Variants in NELL2 observed in about 807,000 individuals in gnomAD.
The protein encoded by NELL2 is neural EGFL like 2.
In NELL2, 41 loss-of-function variants were observed where a neutral mutation model predicts 109.6. That is an observed-to-expected ratio of 0.37 (90% CI 0.29 to 0.49). The LOEUF is 0.49. Ranked by LOEUF, NELL2 falls within the 20% of genes least tolerant of loss-of-function variation. NELL2 has a pLI of 0.98. For synonymous variants in NELL2, 355 were observed against 344.7 expected (o/e 1.03, Z -0.33); for missense variants, 900 against 1,008.3 (o/e 0.89, Z 1.45).
At chr12:44,710,898 G>A (rs1566213092) in intron 11 of NELL2, among the ~76,000 whole-genome samples, 1 of 152,058 alleles carries the variant, frequency 6.6e-6, no homozygotes, top group Non-Finnish European at 1.5e-5. Flanking sequence ...GTTATAAAAA[G>A]AAGCTGAGGA....
At chr12:44,729,326 C>A (rs1209970961) in intron 9 of NELL2, among the ~76,000 whole-genome samples, 1 of 151,400 alleles carries the variant, frequency 6.6e-6, no homozygotes, top group Non-Finnish European at 1.5e-5. Context: ...ATGGTAACAA[C>A]AACAAAAATT....
At chr12:44,846,239 C>T (rs1386685048) in intron 2 of NELL2, among the ~76,000 whole-genome samples, 1 of 152,160 alleles carries the variant, frequency 6.6e-6, no homozygotes, top group African/African-American at 2.4e-5. Context: ...ATTATTGACG[C>T]CCAAAGACCA....
intron 13 of NELL2, among the ~76,000 whole-genome samples, chr12:44,624,050 A>G (rs1269031344): frequency 1.3e-5 from 2 of 152,052 alleles, no homozygotes; most frequent in African/African-American, 4.8e-5. Context: ...TGGGTTGATG[A>G]GTGCAGCAAA....
chr12:44,606,063 A>G (rs1430558371), intron 15 of NELL2, among the ~76,000 whole-genome samples: 11 of 152,186 alleles, frequency 7.2e-5, no homozygotes, highest in African/African-American at 2.4e-4. Context: ...CCTACATACC[A>G]AAGATAGACA....
chr12:44,742,127 T>A (rs1180552410), intron 9 of NELL2, among the ~76,000 whole-genome samples: 1 of 151,570 alleles, frequency 6.6e-6, no homozygotes, highest in African/African-American at 2.4e-5. Context: ...AGAGGAACGA[T>A]CAGGCAGCAG....
At chr12:44,581,311 T>A (rs184655949) in intron 15 of NELL2, among the ~76,000 whole-genome samples, 21 of 152,146 alleles carry the variant, frequency 1.4e-4, no homozygotes, top group South Asian at 8.3e-4. Flanking sequence ...AAGATTTTTT[T>A]AAAATCTTTT....
chr12:44,773,478 G>GA (rs758962096), intron 9 of NELL2, among the ~76,000 whole-genome samples: 44 of 144,828 alleles, frequency 3.0e-4, no homozygotes, highest in South Asian at 4.4e-4. Context: ...TCCGTCTCAA[G>GA]AAAAAAAAAA....
At chr12:44,877,999 T>C (rs1003468422), upstream of NELL2, among the ~76,000 whole-genome samples, 3 of 152,232 alleles carry the variant, frequency 2.0e-5, no homozygotes, top group African/African-American at 7.2e-5. Context: ...CTACAGAAGC[T>C]ACACGAAATA....
chr12:44,848,105 G>C (rs780300207), intron 2 of NELL2, among the ~76,000 whole-genome samples: 5 of 151,940 alleles, frequency 3.3e-5, no homozygotes, highest in Non-Finnish European at 7.4e-5. Context: ...TGGCTGTGGG[G>C]GCTGCAGTGT....
At position 44,886,141 on chromosome 12, in the gene NELL2, AAGG is replaced by A. The variant is rs1181199102; in HGVS notation, c.39-10244_39-10242del. On this transcript the variant is annotated intron_variant, in intron 1 of 20. Coordinates refer to the NELL2 transcript ENST00000333837. Reference sequence around the variant, plus strand: ...GAAGGAAGGAAGGAAGGAAGGAAGGAAGGAAGAAAGGGAGAGAATCCTCATCTT... The same window carrying A: ...GAAGGAAGGAAGGAAGGAAGGAAGGAAAGAAAGGGAGAGAATCCTCATCTT... Among the ~76,000 whole-genome samples, 265 of 140,148 alleles carry A rather than the reference AAGG, an allele frequency of 1.9e-3. 4 individuals are homozygous for A. The highest frequency in any genetic ancestry group is 6.8e-3 in the African/African-American group (251 of 36,786). The allele number at this position is 140,148 out of a possible 152,430, so 91.9% of individuals were successfully genotyped here.
chr12:44,752,841 C>T (rs929553723), intron 9 of NELL2, among the ~76,000 whole-genome samples: 2 of 152,166 alleles, frequency 1.3e-5, no homozygotes, highest in Non-Finnish European at 2.9e-5. Context: ...AAGTCATGTA[C>T]TGCCACGGTG....
chr12:44,881,363 A>G (rs752872931), intron 1 of NELL2, among the ~76,000 whole-genome samples: 26 of 152,022 alleles, frequency 1.7e-4, no homozygotes, highest in Non-Finnish European at 3.4e-4. Flanking sequence ...ATGCTCTAAC[A>G]AATAAACACA....
In NELL2 at chr12:44,665,604, C is replaced by A. The variant is rs150491663; in HGVS notation, c.1324G>T (p.Asp442Tyr). 1.2e-4 allele frequency: 190 copies of A among 1,611,596 alleles called. No individual in the cohort carries two copies. Among genetic ancestry groups the A allele is most frequent in the Non-Finnish European group, 1.6e-4 (185 of 1,178,582 alleles). ...REDNAYCEDI[D>Y]ECAEGRHYCR... ...TAATGGCGCCCTTCAGCACACTCATCGATGTCTGTGAAGAAAAACAGGACA... is the reference window on the plus strand; with the variant it reads ...TAATGGCGCCCTTCAGCACACTCATAGATGTCTGTGAAGAAAAACAGGACA... The change falls in exon 13 of 20, where the codon GAT (aspartate) becomes TAT (tyrosine). Residue 442 changes from aspartate (D) to tyrosine (Y), a missense_variant. Physicochemically the swap from Asp to Tyr is radical, Grantham distance 160. Around this residue, in one of 4 missense-constraint regions of NELL2, gnomAD observed 292 missense variants for 265.3 expected, o/e 1.10. Coordinates refer to ENST00000429094, the MANE Select transcript of NELL2 (RefSeq NM_001145108.2).
At chr12:44,879,225 T>C (rs1945384078), upstream of NELL2, among the ~76,000 whole-genome samples, 2 of 152,154 alleles carry the variant, frequency 1.3e-5, no homozygotes, top group African/African-American at 2.4e-5. Flanking sequence ...CAGAAAAGAA[T>C]ACAACCCTGC....
chr12:44,576,241 T>C (rs1019770494), intron 15 of NELL2, among the ~76,000 whole-genome samples: 3 of 152,192 alleles, frequency 2.0e-5, no homozygotes, highest in Non-Finnish European at 2.9e-5. Context: ...ATGGCCACTT[T>C]CGTAGTTGTG....
chr12:44,716,656 G>A (rs1938503441), intron 9 of NELL2, among the ~76,000 whole-genome samples: 2 of 151,914 alleles, frequency 1.3e-5, no homozygotes, highest in Non-Finnish European at 2.9e-5. Flanking sequence ...TATTTTATAA[G>A]ATAATGAGAA....
intron 1 of NELL2, among the ~76,000 whole-genome samples, chr12:44,884,910 G>T (rs946624956): frequency 6.6e-6 from 1 of 151,970 alleles, no homozygotes; most frequent in Non-Finnish European, 1.5e-5. Context: ...CTAATAAAGA[G>T]AACTTAAAAA....
intron 9 of NELL2, among the ~76,000 whole-genome samples, chr12:44,728,386 G>A (rs148062714): frequency 1.6e-4 from 25 of 152,166 alleles, no homozygotes; most frequent in African/African-American, 6.0e-4. Context: ...ATTTGATTAA[G>A]CAGAAGAATC....
At chr12:44,854,634 T>C (rs1944623784) in intron 2 of NELL2, among the ~76,000 whole-genome samples, 1 of 151,472 alleles carries the variant, frequency 6.6e-6, no homozygotes, top group Admixed American at 6.6e-5. Flanking sequence ...TAAGTATTAT[T>C]AGAGACATGT....
Sources: gnomAD v4.1 joint callset for allele counts (sites outside exome capture counted in the v4.1 genomes callset) on GRCh38, gnomAD v4.1.1 for gene constraint, gnomAD v4.1.1 regional missense constraint, MANE v1.5 for transcripts, NCBI Gene and HGNC (gene_info 2026-07-23, HGNC 2026-07-21) for gene names.